ADARB2: variants seen among roughly 807,000 people sequenced by gnomAD.
ADARB2 encodes adenosine deaminase RNA specific B2 (inactive).
A neutral mutation model predicts 62.2 loss-of-function variants in ADARB2; 25 were observed. The ratio of observed to expected loss-of-function variants is 0.40; its 90% CI spans 0.29 to 0.56. ADARB2 has a LOEUF of 0.56. Among genes scored for constraint, ADARB2 ranks in the 20% least tolerant of loss-of-function variants. The pLI is 0.43. For synonymous variants in ADARB2, 572 were observed against 500.8 expected, an observed-to-expected ratio of 1.14 and a Z score of -1.90; for missense variants, 1,071 against 1,077.4, an observed-to-expected ratio of 0.99 and a Z score of 0.08.
intron 7 of ADARB2, among the ~76,000 whole-genome samples, chr10:1,208,310 G>A (rs973956669): frequency 9.2e-5 from 14 of 152,332 alleles, no homozygotes; most frequent in African/African-American, 3.4e-4. Context: ...CCCCAGTTCT[G>A]GAGGCCAGAG....
At chr10:1,506,333 G>A (rs959536603) in intron 1 of ADARB2, among the ~76,000 whole-genome samples, 1 of 152,108 alleles carries the variant, frequency 6.6e-6, no homozygotes, top group Non-Finnish European at 1.5e-5. Flanking sequence ...TTATGGGGGG[G>A]AAATGCTGGA....
intron 1 of ADARB2, among the ~76,000 whole-genome samples, chr10:1,600,513 G>A (rs1020295068): frequency 2.0e-5 from 3 of 151,880 alleles, no homozygotes; most frequent in African/African-American, 7.3e-5. Context: ...AATACAAAAA[G>A]TAGCTGGGCG....
At chr10:1,242,840 T>C (rs945722463) in intron 4 of ADARB2, among the ~76,000 whole-genome samples, 6 of 152,062 alleles carry the variant, frequency 3.9e-5, no homozygotes, top group African/African-American at 1.4e-4. Flanking sequence ...ATTTTAACCA[T>C]AGTCAAAGGA....
At chr10:1,399,498 A>G (rs1832644185) in intron 1 of ADARB2, among the ~76,000 whole-genome samples, 1 of 151,830 alleles carries the variant, frequency 6.6e-6, no homozygotes, top group Admixed American at 6.6e-5. Flanking sequence ...ACTGAAGCTC[A>G]GTCAATTAGC....
intron 2 of ADARB2, among the ~76,000 whole-genome samples, chr10:1,367,682 G>T (rs551231333): frequency 2.0e-5 from 3 of 152,306 alleles, no homozygotes; most frequent in Non-Finnish European, 2.9e-5. Context: ...CCCCATACCA[G>T]ATTGCATAGA....
rs529909842 is a variant in ADARB2, at chr10:1,324,513, A to G, written c.1077+38515T>C. On this transcript the variant is annotated intron_variant, in intron 3 of 9. Coordinates refer to ENST00000381312, the MANE Select transcript of ADARB2 (RefSeq NM_018702.4). ...TGTTCTTTCACAGGTTAATGCTTAGACGAATTGCAATGTGGCTTATTGTGG... is the reference window on the plus strand; with the variant it reads ...TGTTCTTTCACAGGTTAATGCTTAGGCGAATTGCAATGTGGCTTATTGTGG... 7.2e-5 allele frequency among the ~76,000 whole-genome samples: 11 copies of G among 152,342 alleles called. No homozygotes were observed. In the East Asian group the frequency reaches 1.9e-3, roughly 27 times the overall value.
intron 7 of ADARB2, among the ~76,000 whole-genome samples, chr10:1,213,706 A>G (rs770322576): frequency 3.3e-5 from 5 of 152,252 alleles, no homozygotes; most frequent in Admixed American, 2.0e-4. Flanking sequence ...AAAGGAGTCT[A>G]GAATCACCCC....
chr10:1,696,332 C>G (rs12265803), intron 1 of ADARB2, among the ~76,000 whole-genome samples: 4,633 of 152,106 alleles, frequency 0.03, 237 homozygotes, highest in African/African-American at 0.11. Context: ...GTTTTGTGTT[C>G]ATGTGCATTG....
chr10:1,220,939 T>A (rs1830689887), intron 6 of ADARB2, among the ~76,000 whole-genome samples: 1 of 152,198 alleles, frequency 6.6e-6, no homozygotes, highest in South Asian at 2.1e-4. Flanking sequence ...GAGTTGCTCC[T>A]GAGTGTTTAT....
chr10:1,356,449 G>C lies in ADARB2; in HGVS notation c.1077+6579C>G, dbSNP rs184411664. On this transcript the variant is annotated intron_variant, in intron 3 of 9. Coordinates refer to ENST00000381312, the MANE Select transcript of ADARB2 (RefSeq NM_018702.4). ...CAGAACCGCCTGGGGTGAGCTGGTG[G>C]AAAACAACAGAACTTCACACAGCCC... 2.9e-4 allele frequency among the ~76,000 whole-genome samples: 44 copies of C among 152,262 alleles called. No homozygotes were observed. The East Asian group carries it at 7.7e-3, about 27-fold the overall frequency.
Position 1,474,560 on chromosome 10 carries a change from C to T in ADARB2, c.101-95400G>A, listed in dbSNP as rs939391247. ...GCCGGAGCGGACGGGCAAGGCGATGCTGTGTCCACACACGCAAACATGACC... is the reference window on the plus strand; with the variant it reads ...GCCGGAGCGGACGGGCAAGGCGATGTTGTGTCCACACACGCAAACATGACC... On this transcript the variant is annotated intron_variant, in intron 1 of 9. Transcript: ENST00000381312. Among the ~76,000 whole-genome samples the T allele has an allele frequency of 2.0e-5, 3 of 152,204 alleles. 1 individual carries two copies. The highest frequency in any genetic ancestry group is 7.2e-5 in the African/African-American group (3 of 41,450).
At chr10:1,418,188 T>A (rs1241977990) in intron 1 of ADARB2, among the ~76,000 whole-genome samples, 2 of 152,174 alleles carry the variant, frequency 1.3e-5, no homozygotes. Flanking sequence ...TATGGTGTTT[T>A]GTTAAAGTGT....
chr10:1,403,771 A>G (rs1023103011), intron 1 of ADARB2, among the ~76,000 whole-genome samples: 2 of 152,206 alleles, frequency 1.3e-5, no homozygotes, highest in African/African-American at 4.8e-5. Context: ...CATGCAATGC[A>G]GTATTGGAGG....
intron 1 of ADARB2, among the ~76,000 whole-genome samples, chr10:1,455,585 A>T (rs1288559015): frequency 6.6e-6 from 1 of 152,220 alleles, no homozygotes; most frequent in Non-Finnish European, 1.5e-5. Flanking sequence ...TCTCTAAAAA[A>T]GTTTAATGTG....
intron 3 of ADARB2, among the ~76,000 whole-genome samples, chr10:1,302,714 C>G (rs1036955510): frequency 1.1e-4 from 17 of 152,364 alleles, no homozygotes; most frequent in African/African-American, 3.6e-4. Flanking sequence ...AAGTGGGTCC[C>G]TGACCCCTGA....
At chr10:1,484,837 T>C (rs1288244663) in intron 1 of ADARB2, among the ~76,000 whole-genome samples, 3 of 152,166 alleles carry the variant, frequency 2.0e-5, no homozygotes, top group Admixed American at 6.5e-5. Flanking sequence ...CAGGTGTGTA[T>C]GTAGGCACCT....
intron 1 of ADARB2, among the ~76,000 whole-genome samples, chr10:1,631,216 A>G (rs1301101609): frequency 6.6e-6 from 1 of 151,712 alleles, no homozygotes; most frequent in Non-Finnish European, 1.5e-5. Flanking sequence ...GTCCACCTCC[A>G]CCCTTTCTAC....
At chr10:1,330,733 G>T (rs1474173837) in intron 3 of ADARB2, among the ~76,000 whole-genome samples, 3 of 152,062 alleles carry the variant, frequency 2.0e-5, no homozygotes, top group Non-Finnish European at 4.4e-5. Context: ...GTCATGAAAA[G>T]AAAAAATAGA....
intron 6 of ADARB2, among the ~76,000 whole-genome samples, chr10:1,222,401 C>T (rs1347275344): frequency 6.6e-6 from 1 of 152,050 alleles, no homozygotes; most frequent in Admixed American, 6.5e-5. Context: ...TTTTGCTGTG[C>T]AGAAGCTCTT....
Sources: allele counts gnomAD v4.1 joint callset (sites outside exome capture counted in the v4.1 genomes callset), GRCh38; gene constraint gnomAD v4.1.1; transcripts MANE v1.5; gene names NCBI Gene and HGNC (gene_info 2026-07-23, HGNC 2026-07-21).